H2BC5: variants seen among roughly 807,000 people sequenced by gnomAD.
H2BC5 encodes the protein histone H2B type 1-D.
Under a neutral mutation model 5.7 loss-of-function variants are expected in H2BC5, and 9 were observed. The ratio of observed to expected loss-of-function variants is 1.57; its 90% CI spans 0.95 to 2.74. The LOEUF (loss-of-function observed/expected upper bound fraction) is 2.74, where lower values mean the gene tolerates loss of function less well. Ranked by LOEUF, H2BC5 falls within the 30% of genes most tolerant of loss-of-function variation. H2BC5 has a pLI of 0.00. For missense variants in H2BC5, 175 were observed against 168.8 expected, an observed-to-expected ratio of 1.04 and a Z score of -0.20; for synonymous variants, 133 against 70.9, an observed-to-expected ratio of 1.88 and a Z score of -4.40.
chr6:26,159,243 GTTTTTTTTTTTTTTTTT>G (rs35999697), downstream of H2BC5, among the ~76,000 whole-genome samples: 1 of 61,402 alleles, frequency 1.6e-5, no homozygotes, highest in East Asian at 5.8e-4. Flanking sequence ...TAATTTATAG[GTTTTTTTTTTTTTTTTT>G]TTTTTTTTTT....
chr6:26,170,705 A>G (rs1764503929), intron 1 of H2BC5, among the ~76,000 whole-genome samples: 1 of 152,230 alleles, frequency 6.6e-6, no homozygotes, highest in Non-Finnish European at 1.5e-5. Context: ...AATGAAAGGG[A>G]GAGAATATGA....
In H2BC5 at chr6:26,158,440, A is replaced by T. The variant is rs1474464819; in HGVS notation, c.271A>T (p.Thr91Ser). 6.2e-7 allele frequency: 1 copy of T among 1,613,958 alleles called. No homozygotes were observed. Among genetic ancestry groups the T allele is most frequent in the Non-Finnish European group, 8.5e-7 (1 of 1,180,006 alleles). Reference sequence around the variant, plus strand: ...GCATTACAACAAGCGCTCGACCATCACCTCCAGGGAGATCCAGACGGCCGT... The same window carrying T: ...GCATTACAACAAGCGCTCGACCATCTCCTCCAGGGAGATCCAGACGGCCGT... ...LAHYNKRSTI[T>S]SREIQTAVRL... The change falls in exon 1 of 1, where the codon ACC becomes TCC. Residue 91 changes from threonine (T) to serine (S), a missense_variant. Physicochemically the swap from Thr to Ser is moderately conservative, Grantham distance 58. Around this residue, in one of 4 missense-constraint regions of H2BC5, gnomAD observed 43 missense variants for 37.7 expected, o/e 1.14. Coordinates refer to ENST00000377777, the MANE Select transcript of H2BC5 (RefSeq NM_021063.4).
intron 1 of H2BC5, among the ~76,000 whole-genome samples, chr6:26,168,168 A>G (rs1764462450): frequency 6.6e-6 from 1 of 152,136 alleles, no homozygotes; most frequent in Admixed American, 6.5e-5. Flanking sequence ...GTATAAAAAT[A>G]AAAACTTGGG....
chr6:26,170,616 C>A (rs1214775270), intron 1 of H2BC5, among the ~76,000 whole-genome samples: 1 of 152,126 alleles, frequency 6.6e-6, no homozygotes, highest in African/African-American at 2.4e-5. Flanking sequence ...AAGCACTTAG[C>A]AATATTTAAC....
intron 1 of H2BC5, among the ~76,000 whole-genome samples, chr6:26,165,532 A>G (rs1351270743): frequency 6.6e-6 from 1 of 152,070 alleles, no homozygotes; most frequent in Non-Finnish European, 1.5e-5. Flanking sequence ...CCCAAGGCCA[A>G]GTTTGTTTCA....
At chr6:26,161,518 C>A (rs1036752809), downstream of H2BC5, among the ~76,000 whole-genome samples, 3 of 152,086 alleles carry the variant, frequency 2.0e-5, no homozygotes, top group African/African-American at 7.2e-5. Flanking sequence ...TGCTTGTAAT[C>A]CCAGCACTTT....
downstream of H2BC5, chr6:26,161,341 T>C (rs1764349167): frequency 6.6e-6 from 1 of 152,100 alleles, no homozygotes; most frequent in Non-Finnish European, 1.5e-5. Context: ...ATAAGACAAA[T>C]TGAAATGAAA....
downstream of H2BC5, among the ~76,000 whole-genome samples, chr6:26,159,253 T>TG (rs1581432729): frequency 2.2e-5 from 3 of 138,942 alleles, no homozygotes; most frequent in African/African-American, 8.2e-5. Context: ...GTTTTTTTTT[T>TG]TTTTTTTTTT....
In H2BC5 at chr6:26,158,193, T is replaced by TCCTGCC. The variant is rs1561967659; in HGVS notation, c.27_32dup (p.Ala10_Pro11dup). ...CGATGCCTGAACCTACCAAGTCTGC[T>TCCTGCC]CCTGCCCCAAAGAAGGGCTCCAAGA... On this transcript the variant is annotated inframe_insertion, in exon 1 of 1. Transcript: ENST00000377777. The TCCTGCC allele has an allele frequency of 6.2e-7, 1 of 1,614,150 alleles. No individual in the cohort carries two copies. The highest frequency in any genetic ancestry group is 2.2e-5 in the East Asian group (1 of 44,888).
downstream of H2BC5, among the ~76,000 whole-genome samples, chr6:26,161,691 G>A (rs1764353686): frequency 6.6e-6 from 1 of 152,124 alleles, no homozygotes; most frequent in Non-Finnish European, 1.5e-5. Flanking sequence ...AGAATCACTT[G>A]AGCTAGGGAA....
downstream of H2BC5, among the ~76,000 whole-genome samples, chr6:26,159,957 C>T (rs1764325930): frequency 6.6e-6 from 1 of 152,154 alleles, no homozygotes; most frequent in Admixed American, 6.5e-5. Context: ...TGGAAACTGA[C>T]CAGGGTATAG....
At chr6:26,165,610 C>T (rs1008167867) in intron 1 of H2BC5, among the ~76,000 whole-genome samples, 8 of 152,158 alleles carry the variant, frequency 5.3e-5, no homozygotes, top group African/African-American at 1.9e-4. Flanking sequence ...ATGTCCCCTA[C>T]CCCAGAGAGA....
At chr6:26,169,976 G>T (rs1226289183) in intron 1 of H2BC5, among the ~76,000 whole-genome samples, 1 of 152,088 alleles carries the variant, frequency 6.6e-6, no homozygotes, top group African/African-American at 2.4e-5. Flanking sequence ...ACCCACAGCA[G>T]AATGTGGTAG....
At position 26,158,584 on chromosome 6, in the gene H2BC5, A is replaced by AT. The variant is rs1437095786; in HGVS notation, c.*34_*35insT. ...AGTAAGCATCTTTACACCTAATCCC[A>AT]AAGGCTCTTTTAAGAGCCACGCATG... On this transcript the variant is annotated 3_prime_UTR_variant, in exon 1 of 1. Transcript: ENST00000377777. 6.2e-7 allele frequency: 1 copy of AT among 1,604,450 alleles called. No individual in the cohort carries two copies. Among genetic ancestry groups the AT allele is most frequent in the Non-Finnish European group, 8.5e-7 (1 of 1,176,092 alleles).
downstream of H2BC5, among the ~76,000 whole-genome samples, chr6:26,160,087 C>T (rs1203117877): frequency 6.6e-6 from 1 of 152,108 alleles, no homozygotes; most frequent in African/African-American, 2.4e-5. Flanking sequence ...AAAAAGTCAG[C>T]TCCGAAGTTG....
intron 1 of H2BC5, among the ~76,000 whole-genome samples, chr6:26,169,649 G>A (rs1764486194): frequency 6.6e-6 from 1 of 152,094 alleles, no homozygotes; most frequent in South Asian, 2.1e-4. Flanking sequence ...GAAGTACTCA[G>A]AAAAGGAATG....
chr6:26,165,639 C>G (rs1445222460), intron 1 of H2BC5, among the ~76,000 whole-genome samples: 1 of 152,188 alleles, frequency 6.6e-6, no homozygotes, highest in East Asian at 1.9e-4. Flanking sequence ...ACACCCACAG[C>G]TGAGGCTTGG....
At chr6:26,164,470 A>C (rs1764391490) in intron 1 of H2BC5, 1 of 167,344 alleles carries the variant, frequency 6.0e-6, no homozygotes, top group African/African-American at 2.4e-5. Flanking sequence ...CTTTGTACTG[A>C]GTAGCAATGT....
At chr6:26,167,745 G>A (rs1451740296) in intron 1 of H2BC5, among the ~76,000 whole-genome samples, 2 of 151,862 alleles carry the variant, frequency 1.3e-5, no homozygotes, top group African/African-American at 2.4e-5. Flanking sequence ...CTTCAGGCAC[G>A]TTGATAGTAG....
Sources: gnomAD v4.1 joint callset for allele counts (sites outside exome capture counted in the v4.1 genomes callset) on GRCh38, gnomAD v4.1.1 for gene constraint, gnomAD v4.1.1 regional missense constraint, MANE v1.5 for transcripts, NCBI Gene and HGNC (gene_info 2026-07-23, HGNC 2026-07-21) for gene names.